PDE4B: variants seen among roughly 807,000 people sequenced by gnomAD.
The protein encoded by PDE4B is phosphodiesterase 4B.
A neutral mutation model predicts 82.2 loss-of-function variants in PDE4B; 20 were observed. That is an observed-to-expected ratio of 0.24 (90% CI 0.17 to 0.35). PDE4B has a LOEUF of 0.35. Among genes scored for constraint, PDE4B ranks in the 10% least tolerant of loss-of-function variants. The pLI is 1.00. For missense variants in PDE4B, 655 were observed against 907.2 expected (o/e 0.72, Z 3.57); for synonymous variants, 320 against 318.9 (o/e 1.00, Z -0.04).
chr1:66,137,801 C>G (rs1168892279), intron 3 of PDE4B, among the ~76,000 whole-genome samples: 1 of 152,184 alleles, frequency 6.6e-6, no homozygotes, highest in Non-Finnish European at 1.5e-5. Context: ...TTCCCCTCTC[C>G]TTTTTATAAC....
At chr1:66,212,900 A>T (rs1650176145) in intron 3 of PDE4B, among the ~76,000 whole-genome samples, 1 of 152,220 alleles carries the variant, frequency 6.6e-6, no homozygotes, top group African/African-American at 2.4e-5. Context: ...TACCCCTCAA[A>T]GATAACAGCT....
At chr1:65,943,473 A>C (rs925646456) in intron 3 of PDE4B, among the ~76,000 whole-genome samples, 1 of 151,890 alleles carries the variant, frequency 6.6e-6, no homozygotes, top group Non-Finnish European at 1.5e-5. Flanking sequence ...AGATTGCTTT[A>C]GCTATTCAGG....
chr1:66,372,561 A>G lies in PDE4B; in HGVS notation c.2094A>G (p.Gly698=). 1 of 1,614,174 alleles carries G rather than the reference A, an allele frequency of 6.2e-7. No homozygotes were observed. The highest frequency in any genetic ancestry group is 1.1e-5 in the South Asian group (1 of 91,086). Residue 698 remains glycine (G), a synonymous_variant, in exon 17 of 17, where the codon GGA becomes GGG. Transcript: ENST00000341517. ...AAGGACCTGAGAAGGAGGGAGAGGG[A>G]CACAGCTATTTCAGCAGCACAAAGA... The part of the protein sequence containing the change: ...DSEGPEKEGE[G]HSYFSSTKTL...
At position 66,363,038 on chromosome 1, in the gene PDE4B, C is replaced by T. The variant is rs1234475345; in HGVS notation, c.1021-130C>T. On this transcript the variant is annotated intron_variant, in intron 10 of 16. Transcript: ENST00000341517. ...AGGTCATTTAACTTTCAGATTTTCA[C>T]ACAACTAAAGCACTCTAAGGAGACA... 5.0e-6 allele frequency: 3 copies of T among 598,240 alleles called. No homozygotes were observed. The African/African-American group carries it at 5.6e-5, about 11-fold the overall frequency. 37.1% of individuals were successfully genotyped at this position (598,240 alleles called of 1,614,324 possible).
rs1646906334 is a variant in PDE4B, at chr1:65,895,998, G to T, written c.-70-17247G>T. Among the ~76,000 whole-genome samples, 10 of 150,306 alleles carry T rather than the reference G, an allele frequency of 6.7e-5. No homozygotes were observed. The South Asian group carries it at 1.9e-3, about 28-fold the overall frequency. On this transcript the variant is annotated intron_variant, in intron 1 of 16. Transcript: ENST00000341517. ...CAAATTATTTATAGTAATTCCCTAA[G>T]AAGTGAATAGGAAGATTTTCTGTAA...
At position 65,880,271 on chromosome 1, in the gene PDE4B, A is replaced by C. The variant is rs564361955; in HGVS notation, c.-70-32974A>C. Reference sequence around the variant, plus strand: ...CTCAGAATTTAGACAAGGGTGATTCATACCAGGCCTGAGTAGGTGGCCATC... The same window carrying C: ...CTCAGAATTTAGACAAGGGTGATTCCTACCAGGCCTGAGTAGGTGGCCATC... On this transcript the variant is annotated intron_variant, in intron 1 of 16. Transcript: ENST00000341517. Among the ~76,000 whole-genome samples the C allele has an allele frequency of 2.0e-5, 3 of 152,330 alleles. No homozygotes were observed. The South Asian group carries it at 6.2e-4, about 32-fold the overall frequency.
intron 8 of PDE4B, among the ~76,000 whole-genome samples, chr1:66,342,556 AAAAAAAAAG>A (rs1053947946): frequency 4.3e-5 from 6 of 138,964 alleles, no homozygotes; most frequent in South Asian, 2.5e-4. Flanking sequence ...ATTAAAAAAA[AAAAAAAAAG>A]AAAAAAAAGA....
chr1:65,876,960 G>C (rs771353931), intron 1 of PDE4B, among the ~76,000 whole-genome samples: 1 of 152,150 alleles, frequency 6.6e-6, no homozygotes, highest in Non-Finnish European at 1.5e-5. Context: ...TCAATATCAT[G>C]AAAATGGCCA....
chr1:65,869,666 C>T (rs1646551014), intron 1 of PDE4B, among the ~76,000 whole-genome samples: 1 of 152,106 alleles, frequency 6.6e-6, no homozygotes. Flanking sequence ...GGTTTGCGTA[C>T]ATTTGTTAGT....
At chr1:65,887,091 C>T (rs114192524) in intron 1 of PDE4B, among the ~76,000 whole-genome samples, 1,653 of 151,726 alleles carry the variant, frequency 0.011, 37 homozygotes, top group African/African-American at 0.039. Context: ...ATTGTGGTTT[C>T]GATGTACATT....
chr1:66,264,042 C>T (rs948605854), intron 6 of PDE4B, among the ~76,000 whole-genome samples: 1 of 152,162 alleles, frequency 6.6e-6, no homozygotes, highest in Non-Finnish European at 1.5e-5. Context: ...TTGTTCCCTG[C>T]TCACATAATG....
rs1397644429 is a variant in PDE4B, at chr1:66,373,825, TG to T, written c.*1149del. Reference sequence around the variant, plus strand: ...CCAAACGTCACTTAGTAGAGACATATGGCCCCCTTGGCAGAGAGGACAGGGG... The same window carrying T: ...CCAAACGTCACTTAGTAGAGACATATGCCCCCTTGGCAGAGAGGACAGGGG... On this transcript the variant is annotated 3_prime_UTR_variant, in exon 17 of 17. Transcript: ENST00000341517. 6.6e-6 allele frequency: 1 copy of T among 152,376 alleles called. No homozygotes were observed. Among genetic ancestry groups the T allele is most frequent in the African/African-American group, 2.4e-5 (1 of 41,458 alleles). The allele number at this position is 152,376 out of a possible 1,614,324, so 9.4% of individuals were successfully genotyped here.
chr1:66,226,738 AT>A (rs1651484939), intron 3 of PDE4B, among the ~76,000 whole-genome samples: 1 of 152,208 alleles, frequency 6.6e-6, no homozygotes, highest in Admixed American at 6.5e-5. Flanking sequence ...AGGATTTTGG[AT>A]TTTATTTTAA....
intron 3 of PDE4B, among the ~76,000 whole-genome samples, chr1:66,087,702 G>C (rs1657080254): frequency 6.6e-6 from 1 of 151,938 alleles, no homozygotes; most frequent in African/African-American, 2.4e-5. Context: ...AAAATGATGA[G>C]TTCATGTCCT....
At chr1:66,077,601 C>T (rs1413568000) in intron 3 of PDE4B, among the ~76,000 whole-genome samples, 1 of 152,040 alleles carries the variant, frequency 6.6e-6, no homozygotes, top group African/African-American at 2.4e-5. Flanking sequence ...TGGTATACTG[C>T]CCTGACTATA....
At chr1:66,180,691 A>C (rs582104) in intron 3 of PDE4B, among the ~76,000 whole-genome samples, 1 of 151,930 alleles carries the variant, frequency 6.6e-6, no homozygotes, top group African/African-American at 2.4e-5. Context: ...ATTTGGGCCG[A>C]CCACTGGCAG....
chr1:65,830,681 G>A (rs1312183940), intron 1 of PDE4B, among the ~76,000 whole-genome samples: 9 of 152,122 alleles, frequency 5.9e-5, no homozygotes. Context: ...AAGAAAGAGT[G>A]AGAAGCTCTC....
intron 1 of PDE4B, among the ~76,000 whole-genome samples, chr1:65,819,365 G>A (rs1296652587): frequency 1.3e-5 from 2 of 152,168 alleles, no homozygotes; most frequent in African/African-American, 4.8e-5. Context: ...ATGTCAGAAG[G>A]CTTGTAGGAG....
At chr1:66,346,976 G>A (rs1369649292) in intron 8 of PDE4B, among the ~76,000 whole-genome samples, 4 of 152,124 alleles carry the variant, frequency 2.6e-5, no homozygotes, top group Non-Finnish European at 5.9e-5. Flanking sequence ...CTAAGTTACA[G>A]TACATATTTT....
Sources: gnomAD v4.1 joint callset for allele counts (sites outside exome capture counted in the v4.1 genomes callset) on GRCh38, gnomAD v4.1.1 for gene constraint, MANE v1.5 for transcripts, NCBI Gene and HGNC (gene_info 2026-07-23, HGNC 2026-07-21) for gene names.